Variants in NPC1 observed in about 807,000 individuals in gnomAD.
NPC1 encodes the protein NPC intracellular cholesterol transporter 1.
In NPC1, 85 loss-of-function variants were observed where a neutral mutation model predicts 140.4. That is an observed-to-expected ratio of 0.61 (90% CI 0.51 to 0.72). The LOEUF (loss-of-function observed/expected upper bound fraction) is 0.72. Ranked by LOEUF, NPC1 falls within the 30% of genes least tolerant of loss-of-function variation. The probability of loss-of-function intolerance (pLI) is 0.00; values close to 1 mark genes in which losing one functional copy is unlikely to be tolerated. For missense variants in NPC1, 1,504 were observed against 1,623.8 expected (o/e 0.93, Z 1.27); for synonymous variants, 656 against 624.8 (o/e 1.05, Z -0.74).
rs1374064168 is a variant in NPC1, at chr18:23,533,416, G to A, written c.3693C>T (p.Ala1231=). ...FQIFYFRMYL[A]MVLLGATHGL... is the part of the protein sequence containing the mutation. ...CGTGAGTGGCTCCCAGTAAGACCAT[G>A]GCCAAATACATCCTGAAGTAGAATA... The change falls in exon 24 of 25, where the codon GCC becomes GCT. Residue 1231 remains alanine, a synonymous_variant. Coordinates refer to ENST00000269228, the MANE Select transcript of NPC1 (RefSeq NM_000271.5). 5 of 1,614,082 alleles carry A rather than the reference G, an allele frequency of 3.1e-6. No individual in the cohort carries two copies. Among genetic ancestry groups the A allele is most frequent in the Non-Finnish European group, 2.5e-6 (3 of 1,179,950 alleles).
At chr18:23,536,922 A>G (rs1567947139) in intron 20 of NPC1, 46 bp from the exon 21 acceptor site, 3 of 1,514,846 alleles carry the variant, frequency 2.0e-6, no homozygotes, top group Admixed American at 1.7e-5. Flanking sequence ...GTCTTGCAAA[A>G]TATCAGCAGA....
chr18:23,560,357 T>C lies in NPC1; in HGVS notation c.755A>G (p.Gln252Arg). 1.2e-6 allele frequency: 2 copies of C among 1,614,204 alleles called. No individual in the cohort carries two copies. Among genetic ancestry groups the C allele is most frequent in the Non-Finnish European group, 1.7e-6 (2 of 1,180,030 alleles). Residue 252 changes from glutamine (Q) to arginine (R), a missense_variant, in exon 6 of 25, where the codon CAG becomes CGG. By Grantham distance (43) the Gln-to-Arg change is conservative. Transcript: ENST00000269228. ...DCSIVCGPKP[Q>R]PPPPPAPWTI... ...CCAGGGAGCAGGAGGAGGTGGGGGC[T>C]GGGGCTTGGGGCCACAGACAATAGA... is the stretch of plus-strand genomic sequence containing the variant.
At chr18:23,527,876 T>C, downstream of NPC1, 1 of 1,614,068 alleles carries the variant, frequency 6.2e-7, no homozygotes, top group Non-Finnish European at 8.5e-7. Context: ...AAAAAGTACC[T>C]GGATGCCGAG....
At chr18:23,559,937 G>A (rs575638276) in intron 6 of NPC1, among the ~76,000 whole-genome samples, 2 of 151,846 alleles carry the variant, frequency 1.3e-5, no homozygotes, top group East Asian at 1.9e-4. Context: ...CAGCCTGGGC[G>A]ACAAGAGTGA....
intron 1 of NPC1, among the ~76,000 whole-genome samples, chr18:23,584,215 GACA>G (rs1482699491): frequency 6.6e-6 from 1 of 152,114 alleles, no homozygotes; most frequent in Non-Finnish European, 1.5e-5. Flanking sequence ...TCTTACACAG[GACA>G]ACTAGTCCAT....
At chr18:23,554,274 A>G (rs1349158694) in intron 9 of NPC1, among the ~76,000 whole-genome samples, 1 of 152,064 alleles carries the variant, frequency 6.6e-6, no homozygotes, top group African/African-American at 2.4e-5. Context: ...GCACGATAGC[A>G]CATGTTATGT....
chr18:23,539,280 G>T, intron 19 of NPC1, 75 bp downstream of exon 19: 1 of 988,088 alleles, frequency 1.0e-6, no homozygotes, highest in Non-Finnish European at 1.6e-6. Context: ...ACTGAGGCAC[G>T]ATGCAAATGA....
chr18:23,567,148 G>A (rs976683138), intron 4 of NPC1, among the ~76,000 whole-genome samples: 2 of 152,192 alleles, frequency 1.3e-5, no homozygotes, highest in Non-Finnish European at 1.5e-5. Context: ...AAATATCCAC[G>A]TGCAGGTTTT....
At chr18:23,573,932 CTATA>C (rs1210699894) in intron 1 of NPC1, among the ~76,000 whole-genome samples, 1 of 152,142 alleles carries the variant, frequency 6.6e-6, no homozygotes, top group Non-Finnish European at 1.5e-5. Flanking sequence ...GCACCAGGAA[CTATA>C]TAAGCTCTAA....
chr18:23,546,439 A>G (rs2058791364), intron 11 of NPC1, among the ~76,000 whole-genome samples: 2 of 152,152 alleles, frequency 1.3e-5, no homozygotes, highest in Non-Finnish European at 2.9e-5. Context: ...CGCTATAGCC[A>G]CTTTGGAAAA....
Position 23,544,943 on chromosome 18 carries a change from A to AGCCCCCC in NPC1, c.1947+16_1947+17insGGGGGGC. ...GCTGTTAACCTCTAGAACATACACC[A>AGCCCCCC]CCCCCCCCCGGCTTACCAGAAGCCT... On this transcript the variant is annotated intron_variant, in intron 12 of 24. Coordinates refer to ENST00000269228, the MANE Select transcript of NPC1 (RefSeq NM_000271.5). 1 of 1,032,974 alleles carries AGCCCCCC rather than the reference A, an allele frequency of 9.7e-7. No homozygotes were observed. Among genetic ancestry groups the AGCCCCCC allele is most frequent in the Non-Finnish European group, 1.4e-6 (1 of 712,974 alleles). 64.0% of individuals were successfully genotyped at this position (1,032,974 alleles called of 1,614,324 possible).
In NPC1 at chr18:23,531,616, C is replaced by T; in HGVS notation, c.*586G>A. 6.2e-7 allele frequency: 1 copy of T among 1,609,838 alleles called. No homozygotes were observed. Among genetic ancestry groups the T allele is most frequent in the Non-Finnish European group, 8.5e-7 (1 of 1,179,020 alleles). Reference sequence around the variant, plus strand: ...CATCTAACTGGCAATTAAATCTCTTCCTTTCTAGGGGAACACTGTGAAGAA... The same window carrying T: ...CATCTAACTGGCAATTAAATCTCTTTCTTTCTAGGGGAACACTGTGAAGAA... On this transcript the variant is annotated 3_prime_UTR_variant, in exon 25 of 25. Transcript: ENST00000269228.
At chr18:23,515,465 G>C (rs747537439) in intron 3 of NPC1, among the ~76,000 whole-genome samples, 1 of 152,352 alleles carries the variant, frequency 6.6e-6, no homozygotes, top group African/African-American at 2.4e-5. Flanking sequence ...ATTTCACTTA[G>C]TGGGTTTCTT....
At chr18:23,540,343 G>A in intron 17 of NPC1, 105 bp downstream of exon 17, 1 of 782,188 alleles carries the variant, frequency 1.3e-6, no homozygotes, top group Non-Finnish European at 2.2e-6. Flanking sequence ...ACCATTTGCA[G>A]TTAGAAGCAG....
At chr18:23,529,514 A>G (rs2058419679), downstream of NPC1, 2 of 1,251,866 alleles carry the variant, frequency 1.6e-6, no homozygotes, top group Non-Finnish European at 2.3e-6. Flanking sequence ...GTGCAAAACC[A>G]GTGAAAGATG....
intron 4 of NPC1, among the ~76,000 whole-genome samples, chr18:23,563,182 C>T (rs2059069130): frequency 6.6e-6 from 1 of 152,210 alleles, no homozygotes; most frequent in Admixed American, 6.5e-5. Context: ...AAGGTTCATG[C>T]ATATTGTGGC....
At position 23,543,452 on chromosome 18, in the gene NPC1, T is replaced by C. The variant is rs2058740479; in HGVS notation, c.2245+3A>G. 2 of 1,560,548 alleles carry C rather than the reference T, an allele frequency of 1.3e-6. No individual in the cohort carries two copies. Among genetic ancestry groups the C allele is most frequent in the East Asian group, 2.2e-5 (1 of 44,624 alleles). On this transcript the variant is annotated splice_donor_region_variant and intron_variant, in intron 14 of 24. Transcript: ENST00000269228. ...GGACTGGTAGGATTGAAAGCATAATTACCTAAGAAAAATGCTACAGTCTCA... is the reference window on the plus strand; with the variant it reads ...GGACTGGTAGGATTGAAAGCATAATCACCTAAGAAAAATGCTACAGTCTCA...
chr18:23,524,941 C>CTTTTTTTTTT (rs5823396), downstream of NPC1, among the ~76,000 whole-genome samples: 1 of 69,214 alleles, frequency 1.4e-5, no homozygotes, highest in African/African-American at 5.9e-5. Flanking sequence ...TTAGAGAAAT[C>CTTTTTTTTTT]TTTTTTTTTT....
At chr18:23,527,398 C>CA (rs1328369076), downstream of NPC1, among the ~76,000 whole-genome samples, 41 of 149,462 alleles carry the variant, frequency 2.7e-4, no homozygotes, top group Admixed American at 6.7e-4. Context: ...ACCCTGTATC[C>CA]AAAAAAAAAT....
Sources: allele counts gnomAD v4.1 joint callset (sites outside exome capture counted in the v4.1 genomes callset), GRCh38; gene constraint gnomAD v4.1.1; transcripts MANE v1.5; gene names NCBI Gene and HGNC (gene_info 2026-07-23, HGNC 2026-07-21).